The following DLGAP2 variants were observed in gnomAD, a reference collection of about 807,000 sequenced individuals.
DLGAP2 encodes disks large-associated protein 2.
DLGAP2 carries 26 observed loss-of-function variants against 100.3 expected under a neutral mutation model. That is an observed-to-expected ratio of 0.26 (90% confidence interval 0.19 to 0.36). DLGAP2 has a LOEUF of 0.36. Among genes scored for constraint, DLGAP2 ranks in the 10% least tolerant of loss-of-function variants. DLGAP2 has a pLI of 1.00. For missense variants in DLGAP2, 1,858 were observed against 1,453.2 expected, an observed-to-expected ratio of 1.28 and a Z score of -4.53; for synonymous variants, 886 against 630.1, an observed-to-expected ratio of 1.41 and a Z score of -6.08.
chr8:1,080,182 C>G (rs547683468), intron 2 of DLGAP2, among the ~76,000 whole-genome samples: 11 of 152,342 alleles, frequency 7.2e-5, no homozygotes, highest in Admixed American at 6.5e-4. Context: ...ATTAGAACTA[C>G]TTGCATTTTT....
At chr8:1,594,774 A>G (rs1796398642) in intron 6 of DLGAP2, among the ~76,000 whole-genome samples, 3 of 152,094 alleles carry the variant, frequency 2.0e-5, no homozygotes. Flanking sequence ...AACTGCCAAA[A>G]ATATAGTTTT....
chr8:1,290,193 C>T (rs1254202174), intron 3 of DLGAP2, among the ~76,000 whole-genome samples: 1 of 152,132 alleles, frequency 6.6e-6, no homozygotes, highest in Non-Finnish European at 1.5e-5. Flanking sequence ...ATCTAGTCAG[C>T]TAGACTCGAA....
intron 7 of DLGAP2, among the ~76,000 whole-genome samples, chr8:1,627,980 G>T (rs1797549966): frequency 7.1e-6 from 1 of 139,978 alleles, no homozygotes; most frequent in Non-Finnish European, 1.5e-5. Flanking sequence ...CTGACTTACT[G>T]TGGAGCAGGG....
chr8:1,447,105 C>A (rs1273671328), intron 3 of DLGAP2, among the ~76,000 whole-genome samples: 1 of 152,160 alleles, frequency 6.6e-6, no homozygotes, highest in Non-Finnish European at 1.5e-5. Context: ...GCCTAATTGC[C>A]CTGGCCAGAA....
chr8:1,155,540 A>ATGTGATGTGTGATGTGTGATG (rs201663695), intron 2 of DLGAP2, among the ~76,000 whole-genome samples: 5 of 152,046 alleles, frequency 3.3e-5, no homozygotes, highest in African/African-American at 1.2e-4. Context: ...ACGACAGCAT[A>ATGTGATGTGTGATGTGTGATG]TGTGATGTGT....
chr8:1,185,192 G>C lies in DLGAP2; in HGVS notation c.74-73659G>C, dbSNP rs185233851. On this transcript the variant is annotated intron_variant, in intron 2 of 14. Transcript: ENST00000637795. ...AATGCTGTTCATTTTTATTCCATTT[G>C]TTCCTCTCCAGGGCTCCACAGAAAG... Among the ~76,000 whole-genome samples the C allele has an allele frequency of 8.5e-5, 13 of 152,234 alleles. No homozygotes were observed. In the East Asian group the frequency reaches 2.5e-3, roughly 29 times the overall value.
chr8:1,245,166 A>G (rs921559909), intron 2 of DLGAP2, among the ~76,000 whole-genome samples: 3 of 152,226 alleles, frequency 2.0e-5, no homozygotes, highest in East Asian at 1.9e-4. Flanking sequence ...TCATGCAGCC[A>G]CTTTGGAAAG....
At chr8:1,604,238 G>A (rs1796722075) in intron 6 of DLGAP2, among the ~76,000 whole-genome samples, 1 of 152,156 alleles carries the variant, frequency 6.6e-6, no homozygotes, top group South Asian at 2.1e-4. Context: ...TAAATGCACT[G>A]GAGTTTGCTG....
At chr8:984,876 TTGTC>T (rs1314474198) in intron 2 of DLGAP2, among the ~76,000 whole-genome samples, 3 of 152,208 alleles carry the variant, frequency 2.0e-5, no homozygotes, top group Non-Finnish European at 2.9e-5. Flanking sequence ...GAATTTTTCT[TTGTC>T]TGTGTCTGTT....
chr8:1,061,407 C>T (rs1803078386), intron 2 of DLGAP2, among the ~76,000 whole-genome samples: 3 of 152,122 alleles, frequency 2.0e-5, no homozygotes, highest in Admixed American at 2.0e-4. Flanking sequence ...CTCATCGGCT[C>T]ATCCACGTGT....
chr8:1,280,235 C>A (rs546993581), intron 3 of DLGAP2, among the ~76,000 whole-genome samples: 10 of 152,228 alleles, frequency 6.6e-5, no homozygotes, highest in African/African-American at 2.4e-4. Flanking sequence ...TTGATCAAAT[C>A]TCATGAGTCC....
intron 2 of DLGAP2, among the ~76,000 whole-genome samples, chr8:938,266 A>C (rs906443902): frequency 6.6e-6 from 1 of 152,118 alleles, no homozygotes; most frequent in East Asian, 1.9e-4. Flanking sequence ...GACCCTTTGA[A>C]GGCTCACTAC....
chr8:745,179 T>C (rs894632426), intron 1 of DLGAP2, among the ~76,000 whole-genome samples: 3 of 152,272 alleles, frequency 2.0e-5, no homozygotes, highest in African/African-American at 7.2e-5. Flanking sequence ...ATGAAACCTT[T>C]AGCTCTTTAA....
intron 2 of DLGAP2, among the ~76,000 whole-genome samples, chr8:1,247,299 A>C (rs1798932238): frequency 1.4e-5 from 1 of 73,862 alleles, no homozygotes; most frequent in Non-Finnish European, 2.8e-5. Context: ...GGCTGGGAAG[A>C]CCATTGAGAT....
intron 3 of DLGAP2, among the ~76,000 whole-genome samples, chr8:1,489,199 G>C (rs1021999460): frequency 7.9e-5 from 12 of 152,182 alleles, no homozygotes; most frequent in African/African-American, 2.9e-4. Context: ...TGAGCTGCTC[G>C]AGAATGCGAC....
Position 1,584,065 on chromosome 8 carries a change from G to A in DLGAP2, c.1442+18171G>A, listed in dbSNP as rs376759496. Among the ~76,000 whole-genome samples, 5 of 152,082 alleles carry A rather than the reference G, an allele frequency of 3.3e-5. No homozygotes were observed. The East Asian group carries it at 7.8e-4, about 24-fold the overall frequency. On this transcript the variant is annotated intron_variant, in intron 6 of 14. Coordinates refer to ENST00000637795, the MANE Select transcript of DLGAP2 (RefSeq NM_001346810.2). ...CTACCACATGCCTGTTTGCTTTCCC[G>A]AGAGTCCCTATAGCCTTTGAAAGCA...
At chr8:855,185 C>T (rs1247963797) in intron 1 of DLGAP2, among the ~76,000 whole-genome samples, 2 of 152,230 alleles carry the variant, frequency 1.3e-5, no homozygotes, top group Admixed American at 6.5e-5. Context: ...TAGGAGAAGA[C>T]ACCTGCAGGC....
intron 6 of DLGAP2, among the ~76,000 whole-genome samples, chr8:1,597,259 T>C (rs183884018): frequency 5.3e-5 from 8 of 152,370 alleles, no homozygotes; most frequent in Non-Finnish European, 8.8e-5. Context: ...CCTGTTTGGT[T>C]ACTGTGGCCT....
intron 4 of DLGAP2, among the ~76,000 whole-genome samples, chr8:1,512,924 C>T (rs1439959951): frequency 2.6e-5 from 4 of 152,238 alleles, no homozygotes; most frequent in African/African-American, 4.8e-5. Context: ...TGTGTGTGCA[C>T]GTTGGTGTCC....
Sources: gnomAD v4.1 joint callset for allele counts (sites outside exome capture counted in the v4.1 genomes callset) on GRCh38, gnomAD v4.1.1 for gene constraint, MANE v1.5 for transcripts, NCBI Gene and HGNC (gene_info 2026-07-23, HGNC 2026-07-21) for gene names.